The following MXD1 variants were observed in gnomAD, a reference collection of about 807,000 sequenced individuals.
The protein encoded by MXD1 is MAX-binding protein.
MXD1 carries 9 observed loss-of-function variants against 25.7 expected under a neutral mutation model. The observed-to-expected ratio is 0.35, with a 90% CI of 0.21 to 0.61. MXD1 has a LOEUF of 0.61. Ranked by LOEUF, MXD1 falls within the 20% of genes least tolerant of loss-of-function variation. The pLI, the probability that MXD1 is intolerant of heterozygous loss-of-function variation, is 0.75. For missense variants in MXD1, 227 were observed against 292.4 expected, an observed-to-expected ratio of 0.78 and a Z score of 1.63; for synonymous variants, 99 against 113.9, an observed-to-expected ratio of 0.87 and a Z score of 0.83.
At chr2:69,936,542 G>C (rs1677448163) in intron 4 of MXD1, among the ~76,000 whole-genome samples, 1 of 152,184 alleles carries the variant, frequency 6.6e-6, no homozygotes, top group Non-Finnish European at 1.5e-5. Flanking sequence ...ATTATGGTTA[G>C]AAGCCTGCAT....
chr2:69,933,200 C>CAAAAAAAAAA (rs59201689), intron 3 of MXD1, among the ~76,000 whole-genome samples: 3 of 80,140 alleles, frequency 3.7e-5, no homozygotes, highest in Admixed American at 1.7e-4. Flanking sequence ...AACTCTGTCT[C>CAAAAAAAAAA]AAAAAAAAAA....
intron 3 of MXD1, among the ~76,000 whole-genome samples, chr2:69,928,134 CTTA>C (rs1416598735): frequency 6.6e-5 from 10 of 152,058 alleles, no homozygotes; most frequent in African/African-American, 2.4e-4. Flanking sequence ...CCTTCTTTTC[CTTA>C]TTATACAGCT....
chr2:69,918,414 A>G (rs1407890600), intron 2 of MXD1, among the ~76,000 whole-genome samples: 3 of 152,252 alleles, frequency 2.0e-5, no homozygotes, highest in African/African-American at 7.2e-5. Flanking sequence ...TGAAAATGAA[A>G]TTGTGAATAT....
chr2:69,927,855 C>A (rs1035577501), intron 3 of MXD1, among the ~76,000 whole-genome samples: 1 of 152,166 alleles, frequency 6.6e-6, no homozygotes, highest in Non-Finnish European at 1.5e-5. Flanking sequence ...TGTGAGAAAT[C>A]TTCAAAACCT....
At position 69,937,360 on chromosome 2, in the gene MXD1, C is replaced by T. The variant is rs1677475210; in HGVS notation, c.444C>T (p.Ser148=). 1 of 1,613,480 alleles carries T rather than the reference C, an allele frequency of 6.2e-7. No individual in the cohort carries two copies. The highest frequency in any genetic ancestry group is 1.3e-5 in the African/African-American group (1 of 74,930). Residue 148 remains serine (S), a synonymous_variant, in exon 5 of 6, where the codon TCC becomes TCT. Transcript: ENST00000264444. ...GGATCCGGATGGACAGCATCGGCTC[C>T]ACCGTCTCCTCGGAGCGCTCCGACT... ...IERIRMDSIG[S]TVSSERSDSD...
intron 3 of MXD1, among the ~76,000 whole-genome samples, chr2:69,922,632 C>A (rs1248163886): frequency 6.6e-6 from 1 of 152,160 alleles, no homozygotes; most frequent in Non-Finnish European, 1.5e-5. Context: ...GTAATCCCAG[C>A]ACTTTGGGAG....
chr2:69,928,054 T>C (rs1455191591), intron 3 of MXD1, among the ~76,000 whole-genome samples: 1 of 152,156 alleles, frequency 6.6e-6, no homozygotes, highest in Non-Finnish European at 1.5e-5. Context: ...CTGTGACCCT[T>C]GACATTTTAA....
intron 3 of MXD1, among the ~76,000 whole-genome samples, chr2:69,932,008 G>T (rs1204766871): frequency 6.6e-6 from 1 of 152,132 alleles, no homozygotes; most frequent in African/African-American, 2.4e-5. Context: ...TGAGGTGTCG[G>T]GTGGCTTCCT....
In MXD1 at chr2:69,938,849, C is replaced by T. The variant is rs1677524810; in HGVS notation, c.*565C>T. The T allele has an allele frequency of 6.5e-6, 1 of 152,980 alleles. No individual in the cohort carries two copies. Among genetic ancestry groups the T allele is most frequent in the Admixed American group, 6.5e-5 (1 of 15,316 alleles). The allele number at this position is 152,980 out of a possible 1,614,324, so 9.5% of individuals were successfully genotyped here. A position where few individuals can be genotyped will look rare whatever the true frequency, so the allele number is the denominator to read the frequency against. On this transcript the variant is annotated 3_prime_UTR_variant, in exon 6 of 6. Transcript: ENST00000264444. The stretch of plus-strand genomic sequence containing the variant: ...CCTTCACACCGCGCATGCTCATTCC[C>T]CCGACGCGCCGCGTGTGGATGGGAG...
At chr2:69,929,365 T>C (rs1677232021) in intron 3 of MXD1, among the ~76,000 whole-genome samples, 1 of 152,244 alleles carries the variant, frequency 6.6e-6, no homozygotes, top group African/African-American at 2.4e-5. Context: ...TATCTACAGA[T>C]AGCACCATCT....
rs955694779 is a variant in MXD1, at chr2:69,919,784, C to T, written c.174-1952C>T. 3.3e-5 allele frequency among the ~76,000 whole-genome samples: 5 copies of T among 152,184 alleles called. No individual in the cohort carries two copies. In the South Asian group the frequency reaches 6.2e-4, roughly 19 times the overall value. ...CTGTTGGCCATTGAAGGCAATAAAC[C>T]TTCAGAACAATGTGACTGGAGAATG... On this transcript the variant is annotated intron_variant, in intron 2 of 5. Coordinates refer to ENST00000264444, the MANE Select transcript of MXD1 (RefSeq NM_002357.4).
chr2:69,926,882 T>A (rs1454619198), intron 3 of MXD1, among the ~76,000 whole-genome samples: 1 of 152,176 alleles, frequency 6.6e-6, no homozygotes, highest in Non-Finnish European at 1.5e-5. Context: ...GAATAGACTC[T>A]TTTTTCAAAA....
chr2:69,937,127 C>T (rs1045916581), intron 4 of MXD1, 108 bp from the exon 5 acceptor site: 22 of 1,400,570 alleles, frequency 1.6e-5, no homozygotes, highest in Non-Finnish European at 2.0e-5. Flanking sequence ...CACCGAAAGG[C>T]GTCTGAGGAA....
In MXD1 at chr2:69,942,047, CTTT is replaced by C. The variant is rs1017659506; in HGVS notation, c.*3764_*3766del. ...AACATCCTGGTCTTTTCTGTTTCTT[CTTT>C]GTTTCCCCAAGTTTGTCTGTCCCCC... On this transcript the variant is annotated 3_prime_UTR_variant, in exon 6 of 6. Coordinates refer to ENST00000264444, the MANE Select transcript of MXD1 (RefSeq NM_002357.4). 1.3e-5 allele frequency: 2 copies of C among 152,124 alleles called. No homozygotes were observed. The highest frequency in any genetic ancestry group is 2.4e-5 in the African/African-American group (1 of 41,414). 9.4% of individuals were successfully genotyped at this position (152,124 alleles called of 1,614,324 possible).
At position 69,915,784 on chromosome 2, in the gene MXD1, C is replaced by T. The variant is rs1303326155; in HGVS notation, c.74-337C>T. Among the ~76,000 whole-genome samples, 1 of 152,238 alleles carries T rather than the reference C, an allele frequency of 6.6e-6. No individual in the cohort carries two copies. The highest frequency in any genetic ancestry group is 1.5e-5 in the Non-Finnish European group (1 of 68,032). Reference sequence around the variant, plus strand: ...GAGCAGCGCCTCCCGGTCCCCGGCTCACGGTGCTTGCCCCGCACCTTCGCC... The same window carrying T: ...GAGCAGCGCCTCCCGGTCCCCGGCTTACGGTGCTTGCCCCGCACCTTCGCC... On this transcript the variant is annotated intron_variant, in intron 1 of 5. Transcript: ENST00000264444. This position sits in a 1 kb window ranked among gnomAD's most constrained non-coding sequence, Gnocchi z 5.8.
In MXD1 at chr2:69,942,653, T is replaced by C. The variant is rs1232497887; in HGVS notation, c.*4369T>C. 6.6e-6 allele frequency: 1 copy of C among 152,248 alleles called. No homozygotes were observed. The highest frequency in any genetic ancestry group is 2.4e-5 in the African/African-American group (1 of 41,466). The allele number at this position is 152,248 out of a possible 1,614,324, so 9.4% of individuals were successfully genotyped here. ...ACCCCATCCCTAGAATTGGTGCTCT[T>C]GGAATATTGCTGTTACCATCATTTT... On this transcript the variant is annotated 3_prime_UTR_variant, in exon 6 of 6. Coordinates refer to ENST00000264444, the MANE Select transcript of MXD1 (RefSeq NM_002357.4).
intron 2 of MXD1, among the ~76,000 whole-genome samples, chr2:69,919,390 G>A (rs1321449897): frequency 6.6e-6 from 1 of 152,148 alleles, no homozygotes; most frequent in Non-Finnish European, 1.5e-5. Context: ...TGTTGCCTAA[G>A]CTAGAATGCA....
chr2:69,933,213 AAAAAAAAAAAAC>A (rs1677339503), intron 3 of MXD1, among the ~76,000 whole-genome samples: 2 of 151,298 alleles, frequency 1.3e-5, no homozygotes, highest in Admixed American at 1.3e-4. Context: ...AAAAAAAAAA[AAAAAAAAAAAAC>A]AAAAAAAGAA....
chr2:69,925,758 T>C (rs1019769209), intron 3 of MXD1, among the ~76,000 whole-genome samples: 1 of 152,188 alleles, frequency 6.6e-6, no homozygotes, highest in Non-Finnish European at 1.5e-5. Context: ...AAACCACCTG[T>C]AGAAAAATCT....
Sources: gnomAD v4.1 joint callset for allele counts (sites outside exome capture counted in the v4.1 genomes callset) on GRCh38, gnomAD v4.1.1 for gene constraint, Gnocchi (gnomAD v3.1) non-coding constraint, MANE v1.5 for transcripts, NCBI Gene and HGNC (gene_info 2026-07-23, HGNC 2026-07-21) for gene names.